The following SLC8A1 variants were observed in gnomAD, a reference collection of about 807,000 sequenced individuals.
SLC8A1 encodes the protein sodium/calcium exchanger 1.
In SLC8A1, 18 loss-of-function variants were observed where a neutral mutation model predicts 68.3. The ratio of observed to expected loss-of-function variants is 0.26; its 90% CI spans 0.18 to 0.39. The LOEUF (loss-of-function observed/expected upper bound fraction) is 0.39, where lower values mean the gene tolerates loss of function less well. Among genes scored for constraint, SLC8A1 ranks in the 10% least tolerant of loss-of-function variants. SLC8A1 has a pLI of 1.00. For synonymous variants in SLC8A1, 475 were observed against 415.5 expected, an observed-to-expected ratio of 1.14 and a Z score of -1.74; for missense variants, 985 against 1,156.7, an observed-to-expected ratio of 0.85 and a Z score of 2.15.
intron 1 of SLC8A1, among the ~76,000 whole-genome samples, chr2:40,467,139 C>G (rs576373799): frequency 1.2e-3 from 184 of 152,192 alleles, no homozygotes; most frequent in African/African-American, 4.0e-3. Flanking sequence ...GGAGGCTAAG[C>G]TGGTTAGAGC....
intron 2 of SLC8A1, among the ~76,000 whole-genome samples, chr2:40,246,910 G>A (rs756447555): frequency 6.6e-6 from 1 of 151,278 alleles, no homozygotes; most frequent in African/African-American, 2.4e-5. Flanking sequence ...CCAGTGCCTG[G>A]CAAAGTTTGT....
chr2:40,301,427 A>C (rs559181360), intron 2 of SLC8A1, among the ~76,000 whole-genome samples: 1 of 152,330 alleles, frequency 6.6e-6, no homozygotes, highest in South Asian at 2.1e-4. Context: ...CTGTCTTCAA[A>C]GTTTCAGGTT....
At chr2:40,298,856 CATAGA>C (rs1329576840) in intron 2 of SLC8A1, among the ~76,000 whole-genome samples, 4 of 152,274 alleles carry the variant, frequency 2.6e-5, no homozygotes, top group Admixed American at 6.5e-5. Context: ...CTGAAGACTA[CATAGA>C]ATAAACAATT....
At chr2:40,242,162 G>A (rs913831209) in intron 2 of SLC8A1, among the ~76,000 whole-genome samples, 1 of 152,042 alleles carries the variant, frequency 6.6e-6, no homozygotes, top group East Asian at 2.0e-4. Context: ...GTGTGTGTGA[G>A]AGAGAGACAG....
intron 2 of SLC8A1, among the ~76,000 whole-genome samples, chr2:40,297,645 G>A (rs1228519560): frequency 6.6e-6 from 1 of 152,094 alleles, no homozygotes; most frequent in African/African-American, 2.4e-5. Context: ...TCATCTGTAA[G>A]TTTGGAAAAA....
chr2:40,437,324 G>A (rs1699625385), intron 1 of SLC8A1, among the ~76,000 whole-genome samples: 1 of 152,042 alleles, frequency 6.6e-6, no homozygotes, highest in African/African-American at 2.4e-5. Flanking sequence ...GGTTGCATTA[G>A]CTCATCAAGG....
chr2:40,246,109 G>C (rs2061833787), intron 2 of SLC8A1, among the ~76,000 whole-genome samples: 1 of 151,606 alleles, frequency 6.6e-6, no homozygotes, highest in South Asian at 2.1e-4. Context: ...TTTTTTTTCT[G>C]CTTAGGCAAT....
chr2:40,193,648 A>G (rs2052338757), intron 2 of SLC8A1, among the ~76,000 whole-genome samples: 2 of 152,132 alleles, frequency 1.3e-5, no homozygotes. Context: ...TGTGGGCATA[A>G]TTTTGCAAGA....
chr2:40,297,579 T>C (rs1382970540), intron 2 of SLC8A1, among the ~76,000 whole-genome samples: 1 of 152,220 alleles, frequency 6.6e-6, no homozygotes, highest in Admixed American at 6.5e-5. Context: ...GTCTCTACTT[T>C]GTGTAAAGCA....
intron 2 of SLC8A1, among the ~76,000 whole-genome samples, chr2:40,349,474 C>A (rs968928492): frequency 1.6e-4 from 24 of 152,176 alleles, no homozygotes; most frequent in African/African-American, 3.1e-4. Flanking sequence ...CAGAGAGACA[C>A]AAATATGAAT....
At chr2:40,499,653 A>C (rs1211562642) in intron 1 of SLC8A1, among the ~76,000 whole-genome samples, 1 of 152,090 alleles carries the variant, frequency 6.6e-6, no homozygotes, top group Non-Finnish European at 1.5e-5. Flanking sequence ...AGCCAACTGC[A>C]GGCAACAGTG....
At chr2:40,206,713 T>G (rs1489294523) in intron 2 of SLC8A1, among the ~76,000 whole-genome samples, 3 of 152,044 alleles carry the variant, frequency 2.0e-5, no homozygotes, top group Non-Finnish European at 2.9e-5. Flanking sequence ...AAAATTGGTA[T>G]ACTATTTTCA....
chr2:40,197,337 G>C (rs996605447), intron 2 of SLC8A1, among the ~76,000 whole-genome samples: 1 of 151,978 alleles, frequency 6.6e-6, no homozygotes, highest in Non-Finnish European at 1.5e-5. Flanking sequence ...CCTCGGGATG[G>C]AGCTATAATT....
At chr2:40,405,767 T>G (rs1247724115) in intron 2 of SLC8A1, among the ~76,000 whole-genome samples, 1 of 152,210 alleles carries the variant, frequency 6.6e-6, no homozygotes, top group Non-Finnish European at 1.5e-5. Flanking sequence ...CCTTGGCTAT[T>G]CTTTCTTCCC....
chr2:40,244,981 A>G (rs1379822780), intron 2 of SLC8A1, among the ~76,000 whole-genome samples: 2 of 152,210 alleles, frequency 1.3e-5, no homozygotes, highest in Non-Finnish European at 1.5e-5. Context: ...ATCAAAAACC[A>G]TTTGACAATT....
In SLC8A1 at chr2:40,425,272, T is replaced by C. The variant is rs138560815; in HGVS notation, c.1808+3201A>G. ...TCAAATTGAAATAAATCAACTCATT[T>C]ATGTGAGAATATGAATAAATATTTA... On this transcript the variant is annotated intron_variant, in intron 2 of 7. Coordinates refer to ENST00000406785, the Ensembl canonical transcript of SLC8A1. Among the ~76,000 whole-genome samples, 68 of 152,048 alleles carry C rather than the reference T, an allele frequency of 4.5e-4. No individual in the cohort carries two copies. In the East Asian group the frequency reaches 0.011, roughly 24 times the overall value.
chr2:40,498,435 G>A (rs146263586), intron 1 of SLC8A1, among the ~76,000 whole-genome samples: 1 of 152,044 alleles, frequency 6.6e-6, no homozygotes, highest in Non-Finnish European at 1.5e-5. Flanking sequence ...GGAACCACAA[G>A]ATTGCAAGTA....
intron 6 of SLC8A1, among the ~76,000 whole-genome samples, chr2:40,141,812 A>G (rs1366708239): frequency 2.0e-5 from 3 of 152,216 alleles, no homozygotes; most frequent in African/African-American, 4.8e-5. Context: ...GTTCTAACCC[A>G]ATATGACTGG....
At chr2:40,262,104 A>C (rs2064788043) in intron 2 of SLC8A1, among the ~76,000 whole-genome samples, 1 of 151,994 alleles carries the variant, frequency 6.6e-6, no homozygotes, top group Non-Finnish European at 1.5e-5. Context: ...CTGGGACTAC[A>C]GGCACGCGCC....
Sources: gnomAD v4.1 joint callset for allele counts (sites outside exome capture counted in the v4.1 genomes callset) on GRCh38, gnomAD v4.1.1 for gene constraint, MANE v1.5 for transcripts, NCBI Gene and HGNC (gene_info 2026-07-23, HGNC 2026-07-21) for gene names.